Variants in CRMP1 observed in about 807,000 individuals in gnomAD.
The protein encoded by CRMP1 is collapsin response mediator protein 1.
CRMP1 carries 19 observed loss-of-function variants against 68.3 expected under a neutral mutation model. The observed-to-expected ratio is 0.28, with a 90% CI of 0.19 to 0.41. The LOEUF is 0.41. Among genes scored for constraint, CRMP1 ranks in the 10% least tolerant of loss-of-function variants. The pLI is 1.00. For missense variants in CRMP1, 791 were observed against 967.4 expected, an observed-to-expected ratio of 0.82 and a Z score of 2.42; for synonymous variants, 439 against 399.6, an observed-to-expected ratio of 1.10 and a Z score of -1.18.
Position 5,839,556 on chromosome 4 carries a change from T to A in CRMP1, c.1276A>T (p.Thr426Ser), listed in dbSNP as rs1189284180. The A allele has an allele frequency of 6.2e-7, 1 of 1,611,600 alleles. No individual in the cohort carries two copies. The highest frequency in any genetic ancestry group is 2.2e-5 in the East Asian group (1 of 44,828). The change falls in exon 9 of 14, where the codon ACC (threonine) becomes TCC (serine). Residue 426 changes from threonine to serine, a missense_variant. This residue lies in a region of CRMP1 where 594 missense variants were observed against 763.6 expected (regional missense o/e 0.78). Transcript: ENST00000324989. ...AGGGAGGTCAAGTAGTCGGGCGTGG[T>A]AGGGTCCGGGCTCAGGGGAGGGGAA... ...VTSPPLSPDPTTPDYLTSLLA... is the reference protein window; with the variant it reads ...VTSPPLSPDPSTPDYLTSLLA...
At chr4:5,887,049 G>T (rs968274598) in intron 1 of CRMP1, among the ~76,000 whole-genome samples, 1 of 152,160 alleles carries the variant, frequency 6.6e-6, no homozygotes, top group Non-Finnish European at 1.5e-5. Flanking sequence ...GAGGCAGGGG[G>T]CCTGGGTTCC....
chr4:5,852,807 G>A (rs1000558055), intron 4 of CRMP1, among the ~76,000 whole-genome samples: 5 of 152,122 alleles, frequency 3.3e-5, no homozygotes, highest in Middle Eastern at 6.3e-3. Flanking sequence ...GGATGCATGG[G>A]GGGGTTGCAT....
Position 5,877,903 on chromosome 4 carries a change from G to C in CRMP1, c.382-11147C>G, listed in dbSNP as rs556230022. ...CCCTAAGAGTGGGCAGGGCCTGCAC[G>C]CTGCATAGGGAAAGACGATGCTAGC... is the stretch of plus-strand genomic sequence containing the variant. On this transcript the variant is annotated intron_variant, in intron 1 of 13. Transcript: ENST00000324989. The surrounding 1 kb of genome is among the most constrained non-coding windows in gnomAD (Gnocchi z 4.3). Among the ~76,000 whole-genome samples, 2 of 152,204 alleles carry C rather than the reference G, an allele frequency of 1.3e-5. No homozygotes were observed. The highest frequency in any genetic ancestry group is 4.8e-5 in the African/African-American group (2 of 41,460).
Position 5,891,757 on chromosome 4 carries a change from C to T in CRMP1, c.381+832G>A, listed in dbSNP as rs567209322. ...ATCCAAAGGCTACGCCGTCCATCCGCCCTTCTTCCCCCAGTTTCCTGGTGA... is the reference window on the plus strand; with the variant it reads ...ATCCAAAGGCTACGCCGTCCATCCGTCCTTCTTCCCCCAGTTTCCTGGTGA... On this transcript the variant is annotated intron_variant, in intron 1 of 13. Transcript: ENST00000324989. This position sits in a 1 kb window ranked among gnomAD's most constrained non-coding sequence, Gnocchi z 5.2. Among the ~76,000 whole-genome samples the T allele has an allele frequency of 6.6e-6, 1 of 152,342 alleles. No individual in the cohort carries two copies. Among genetic ancestry groups the T allele is most frequent in the Admixed American group, 6.5e-5 (1 of 15,308 alleles).
In CRMP1 at chr4:5,854,514, G is replaced by C. The variant is rs1712903038; in HGVS notation, c.820+1629C>G. 6.6e-6 allele frequency among the ~76,000 whole-genome samples: 1 copy of C among 151,226 alleles called. No homozygotes were observed. Among genetic ancestry groups the C allele is most frequent in the Non-Finnish European group, 1.5e-5 (1 of 67,924 alleles). ...CCCTCCTCAGCCTCCCGAAGTGCTA[G>C]GATTACAGGCATGAGCCACCATGGC... On this transcript the variant is annotated intron_variant, in intron 4 of 13. Coordinates refer to ENST00000324989, the MANE Select transcript of CRMP1 (RefSeq NM_001014809.3). This position sits in a 1 kb window ranked among gnomAD's most constrained non-coding sequence, Gnocchi z 4.0.
In CRMP1 at chr4:5,836,922, C is replaced by T; in HGVS notation, c.1311-16G>A. On this transcript the variant is annotated splice_polypyrimidine_tract_variant and intron_variant, in intron 9 of 13. Coordinates refer to ENST00000324989, the MANE Select transcript of CRMP1 (RefSeq NM_001014809.3). ...CAAGTCCCCACTGGCAAGGACAAAA[C>T]AAGGTAGAGTTCAGACCCTAGTTCA... The T allele has an allele frequency of 6.2e-7, 1 of 1,601,302 alleles. No homozygotes were observed.
At position 5,892,695 on chromosome 4, in the gene CRMP1, G is replaced by A; in HGVS notation, c.275C>T (p.Ser92Leu). 2 of 1,223,110 alleles carry A rather than the reference G, an allele frequency of 1.6e-6. No individual in the cohort carries two copies. Among genetic ancestry groups the A allele is most frequent in the Admixed American group, 4.2e-5 (1 of 24,068 alleles). 75.8% of individuals were successfully genotyped at this position (1,223,110 alleles called of 1,614,324 possible). A position where few individuals can be genotyped will look rare whatever the true frequency, so the allele number is the denominator to read the frequency against. ...EDTASDVSEP[S>L]GSAVSSPGER... ...TCCGGGAGAGCTGACCGCGGAGCCC[G>A]AGGGCTCGCTCACGTCGCTGGCCGT... The change falls in exon 1 of 14, where the codon TCG becomes TTG. Residue 92 changes from serine to leucine, a missense_variant. Transcript: ENST00000324989. This position sits in a 1 kb window ranked among gnomAD's most constrained non-coding sequence, Gnocchi z 8.6.
chr4:5,870,942 C>T lies in CRMP1; in HGVS notation c.382-4186G>A, dbSNP rs368676186. 3.7e-4 allele frequency among the ~76,000 whole-genome samples: 57 copies of T among 152,134 alleles called. No homozygotes were observed. Among genetic ancestry groups the T allele is most frequent in the African/African-American group, 1.3e-3 (54 of 41,434 alleles). On this transcript the variant is annotated intron_variant, in intron 1 of 13. Coordinates refer to ENST00000324989, the MANE Select transcript of CRMP1 (RefSeq NM_001014809.3). This position sits in a 1 kb window ranked among gnomAD's most constrained non-coding sequence, Gnocchi z 6.0. Reference sequence around the variant, plus strand: ...TGGTGCATGGCTTCCGGAACACGGCCGCCCCGCAGGCACCCGTCTGTCTTG... The same window carrying T: ...TGGTGCATGGCTTCCGGAACACGGCTGCCCCGCAGGCACCCGTCTGTCTTG...
rs1715338565 is a variant in CRMP1, at chr4:5,883,286, TTCTA to T, written c.381+9299_381+9302del. On this transcript the variant is annotated intron_variant, in intron 1 of 13. Transcript: ENST00000324989. This position sits in a 1 kb window ranked among gnomAD's most constrained non-coding sequence, Gnocchi z 4.5. ...TCCCTCCCTCCCTCCCTTCCTGTCTTTCTATCTTTCTCTTTCTTTCTTCTTTTTT... is the reference window on the plus strand; with the variant it reads ...TCCCTCCCTCCCTCCCTTCCTGTCTTTCTTTCTCTTTCTTTCTTCTTTTTT... Among the ~76,000 whole-genome samples the T allele has an allele frequency of 6.7e-6, 1 of 149,992 alleles. No homozygotes were observed. The highest frequency in any genetic ancestry group is 1.5e-5 in the Non-Finnish European group (1 of 67,578).
At chr4:5,851,664 T>C (rs918265972) in intron 4 of CRMP1, among the ~76,000 whole-genome samples, 195 bp from the exon 5 acceptor site, 2 of 149,912 alleles carry the variant, frequency 1.3e-5, no homozygotes, top group African/African-American at 4.9e-5. Context: ...AGGTCACACC[T>C]AAGCAGAATC....
chr4:5,841,133 TA>T lies in CRMP1; in HGVS notation c.1153+174del, dbSNP rs1378374829. Among the ~76,000 whole-genome samples, 4 of 152,184 alleles carry T rather than the reference TA, an allele frequency of 2.6e-5. No homozygotes were observed. The highest frequency in any genetic ancestry group is 4.4e-5 in the Non-Finnish European group (3 of 68,038). On this transcript the variant is annotated intron_variant, in intron 8 of 13. Coordinates refer to ENST00000324989, the MANE Select transcript of CRMP1 (RefSeq NM_001014809.3). This position sits in a 1 kb window ranked among gnomAD's most constrained non-coding sequence, Gnocchi z 6.9. ...GCTGAGCTTATCGAGGTGAATATCCTAAGGTCATTGGGACCAAAGAATTCCA... is the reference window on the plus strand; with the variant it reads ...GCTGAGCTTATCGAGGTGAATATCCTAGGTCATTGGGACCAAAGAATTCCA...
intron 13 of CRMP1, among the ~76,000 whole-genome samples, chr4:5,823,113 G>T (rs1718950620): frequency 1.3e-5 from 2 of 152,140 alleles, no homozygotes; most frequent in Admixed American, 1.3e-4. Context: ...TCAAGTTTCA[G>T]TGCTAATCAT....
chr4:5,837,770 G>A (rs1340348727), intron 9 of CRMP1, among the ~76,000 whole-genome samples: 1 of 152,054 alleles, frequency 6.6e-6, no homozygotes, highest in Non-Finnish European at 1.5e-5. Flanking sequence ...CCAATCCAGA[G>A]GCCCAGGAAA....
chr4:5,824,897 A>T (rs750127688), intron 13 of CRMP1: 521 of 985,264 alleles, frequency 5.3e-4, no homozygotes, highest in Non-Finnish European at 6.1e-4. Flanking sequence ...AGACCTTAAG[A>T]AAGTCAGGAG....
At position 5,834,273 on chromosome 4, in the gene CRMP1, T is replaced by C. The variant is rs1341112851; in HGVS notation, c.1623+1642A>G. Among the ~76,000 whole-genome samples, 1 of 152,190 alleles carries C rather than the reference T, an allele frequency of 6.6e-6. No individual in the cohort carries two copies. The highest frequency in any genetic ancestry group is 1.5e-5 in the Non-Finnish European group (1 of 68,036). On this transcript the variant is annotated intron_variant, in intron 11 of 13. Transcript: ENST00000324989. The surrounding 1 kb of genome is among the most constrained non-coding windows in gnomAD (Gnocchi z 4.3). ...ATTCAACTGGACATTGACTTGCCAT[T>C]GCAATGGTATTAAGATGTGAGACCA... is the stretch of plus-strand genomic sequence containing the variant.
chr4:5,882,263 G>A (rs898082210), intron 1 of CRMP1, among the ~76,000 whole-genome samples: 1 of 152,210 alleles, frequency 6.6e-6, no homozygotes, highest in Non-Finnish European at 1.5e-5. Flanking sequence ...GATATTTCAG[G>A]TTGCTGCCAA....
At chr4:5,868,970 G>C (rs4396940) in intron 1 of CRMP1, among the ~76,000 whole-genome samples, 1 of 151,192 alleles carries the variant, frequency 6.6e-6, no homozygotes, top group Admixed American at 6.6e-5. Context: ...TCTTTTTTTC[G>C]AGACAGAGTC....
intron 13 of CRMP1, among the ~76,000 whole-genome samples, chr4:5,822,984 C>A (rs1434611889): frequency 6.6e-6 from 1 of 152,168 alleles, no homozygotes; most frequent in African/African-American, 2.4e-5. Context: ...CCCACTGTAC[C>A]CTTTCATACT....
chr4:5,873,991 G>T (rs572856324), intron 1 of CRMP1, among the ~76,000 whole-genome samples: 14 of 152,332 alleles, frequency 9.2e-5, no homozygotes, highest in African/African-American at 3.4e-4. Context: ...GCGCTGGGTG[G>T]AAATGGAAGA....
Sources: allele counts gnomAD v4.1 joint callset (sites outside exome capture counted in the v4.1 genomes callset), GRCh38; gene constraint gnomAD v4.1.1; regional missense constraint gnomAD v4.1.1; non-coding constraint Gnocchi (gnomAD v3.1); transcripts MANE v1.5; gene names NCBI Gene and HGNC (gene_info 2026-07-23, HGNC 2026-07-21).